The following DNAH9 variants were observed in gnomAD, a reference collection of about 807,000 sequenced individuals.
The protein encoded by DNAH9 is DNAH9 variant protein.
A neutral mutation model predicts 471.6 loss-of-function variants in DNAH9; 345 were observed. That is an observed-to-expected ratio of 0.73 (90% confidence interval 0.67 to 0.80). DNAH9 has a LOEUF of 0.80. Among genes scored for constraint, DNAH9 ranks in the 30% least tolerant of loss-of-function variants. The probability of loss-of-function intolerance (pLI) is 0.00; values close to 1 mark genes in which losing one functional copy is unlikely to be tolerated. For synonymous variants in DNAH9, 2,093 were observed against 2,123.6 expected, an observed-to-expected ratio of 0.99 and a Z score of 0.40; for missense variants, 5,407 against 5,609.2, an observed-to-expected ratio of 0.96 and a Z score of 1.15.
intron 61 of DNAH9, among the ~76,000 whole-genome samples, chr17:11,910,522 G>T (rs1050068578): frequency 6.6e-5 from 10 of 152,084 alleles, no homozygotes; most frequent in African/African-American, 2.2e-4. Flanking sequence ...GAACATTCAT[G>T]TAACAAGTTT....
chr17:11,811,146 C>T (rs1290503134), intron 45 of DNAH9, among the ~76,000 whole-genome samples: 2 of 152,148 alleles, frequency 1.3e-5, no homozygotes, highest in East Asian at 3.9e-4. Context: ...AATGCCATCT[C>T]TACTAAAAAT....
At chr17:11,888,373 C>CAGCATAAAAATTGGCATGATA (rs1253015415) in intron 57 of DNAH9, among the ~76,000 whole-genome samples, 4 of 152,110 alleles carry the variant, frequency 2.6e-5, no homozygotes, top group African/African-American at 9.7e-5. Flanking sequence ...TCTTTTAAAA[C>CAGCATAAAAATTGGCATGATA]AGCATAAAAA....
rs1012070889 is a variant in DNAH9, at chr17:11,681,032, A to T, written c.3743+143A>T. 4 of 784,902 alleles carry T rather than the reference A, an allele frequency of 5.1e-6. No individual in the cohort carries two copies. The African/African-American group carries it at 7.0e-5, about 14-fold the overall frequency. The allele number at this position is 784,902 out of a possible 1,614,324, so 48.6% of individuals were successfully genotyped here. On this transcript the variant is annotated intron_variant, in intron 19 of 68. Transcript: ENST00000262442. ...CCTTCCCATTTAGGACCTTTGGTTG[A>T]AACGTGGTGCTAATGTGGACTGAAT... is the stretch of plus-strand genomic sequence containing the variant.
intron 14 of DNAH9, among the ~76,000 whole-genome samples, chr17:11,662,097 T>C (rs999426429): frequency 2.6e-5 from 4 of 152,206 alleles, no homozygotes; most frequent in African/African-American, 7.2e-5. Flanking sequence ...CAATTGTGTT[T>C]ATAGTTTTGC....
intron 67 of DNAH9, among the ~76,000 whole-genome samples, chr17:11,950,239 T>C (rs1235272310): frequency 2.0e-5 from 3 of 152,222 alleles, no homozygotes; most frequent in African/African-American, 7.2e-5. Flanking sequence ...CATACATCAT[T>C]ATCACCCAGA....
intron 45 of DNAH9, among the ~76,000 whole-genome samples, chr17:11,821,347 T>G (rs767937777): frequency 4.0e-5 from 6 of 151,846 alleles, no homozygotes; most frequent in Non-Finnish European, 7.4e-5. Context: ...CCAGTTTTCC[T>G]AATGCAGTAC....
chr17:11,636,154 C>T (rs975730635), intron 8 of DNAH9, among the ~76,000 whole-genome samples: 3 of 152,042 alleles, frequency 2.0e-5, no homozygotes, highest in East Asian at 1.9e-4. Context: ...TACAGGCACC[C>T]GCCACCACAC....
rs1357624467 is a variant in DNAH9, at chr17:11,871,847, C to G, written c.10242+61C>G. The G allele has an allele frequency of 2.6e-6, 4 of 1,560,850 alleles. No homozygotes were observed. The African/African-American group carries it at 5.4e-5, about 21-fold the overall frequency. On this transcript the variant is annotated intron_variant, in intron 52 of 68. Coordinates refer to ENST00000262442, the MANE Select transcript of DNAH9 (RefSeq NM_001372.4). ...CCTCTGGGCACCAATGGGAAGACAT[C>G]ACGGTCATAATTCGCATCCTCTGGT... is the stretch of plus-strand genomic sequence containing the variant.
Position 11,929,850 on chromosome 17 carries a change from C to T in DNAH9, c.11878-16C>T, listed in dbSNP as rs112076269. 4,369 of 1,606,250 alleles carry T rather than the reference C, an allele frequency of 2.7e-3. 94 individuals are homozygous for T. The African/African-American group carries it at 0.049, about 18-fold the overall frequency. On this transcript the variant is annotated splice_polypyrimidine_tract_variant and intron_variant, in intron 62 of 68. Transcript: ENST00000262442. ...CAGATGCCTGTATTGAGGGGGGGCT[C>T]CTTCCTTCCCACTAGAACATTCACC... is the stretch of plus-strand genomic sequence containing the variant.
At chr17:11,674,626 A>G (rs181511460) in intron 17 of DNAH9, among the ~76,000 whole-genome samples, 27 of 152,180 alleles carry the variant, frequency 1.8e-4, no homozygotes, top group African/African-American at 5.8e-4. Context: ...AATGGAGTCT[A>G]CCATTTTGTG....
chr17:11,684,492 G>C lies in DNAH9; in HGVS notation c.3743+3603G>C, dbSNP rs111920588. On this transcript the variant is annotated intron_variant, in intron 19 of 68. Transcript: ENST00000262442. ...AAGCTGGTGACCAGTTCTCCCTCTT[G>C]AATGAAAGGAATGCCCCCATGCTCT... Among the ~76,000 whole-genome samples the C allele has an allele frequency of 6.1e-3, 926 of 152,270 alleles. 4 individuals are homozygous for C. Among genetic ancestry groups the C allele is most frequent in the Non-Finnish European group, 9.3e-3 (631 of 68,012 alleles).
chr17:11,762,620 C>T (rs1194600854), intron 35 of DNAH9, among the ~76,000 whole-genome samples: 1 of 151,988 alleles, frequency 6.6e-6, no homozygotes, highest in Non-Finnish European at 1.5e-5. Context: ...AACCATCTGT[C>T]CTGGTCCACT....
At chr17:11,757,780 C>T (rs778914907) in intron 35 of DNAH9, 88 bp downstream of exon 35, 7 of 1,418,202 alleles carry the variant, frequency 4.9e-6, no homozygotes, top group Non-Finnish European at 6.7e-6. Flanking sequence ...ATGTTCTGTC[C>T]TGTCCCAAAG....
intron 17 of DNAH9, among the ~76,000 whole-genome samples, chr17:11,676,057 A>G (rs2074043978): frequency 1.3e-5 from 2 of 152,060 alleles, no homozygotes; most frequent in South Asian, 4.1e-4. Context: ...TGGGATTGTG[A>G]TTTTCTTTGT....
At chr17:11,842,529 G>A (rs1009576740) in intron 49 of DNAH9, among the ~76,000 whole-genome samples, 14 of 152,248 alleles carry the variant, frequency 9.2e-5, no homozygotes, top group East Asian at 3.9e-4. Flanking sequence ...AAGCCAGTCC[G>A]GGTCCCAAAA....
In DNAH9 at chr17:11,762,770, G is replaced by GTTTGTTTTTTTTTTTTTTTTTTTTTTTTT. The variant is rs1193246497; in HGVS notation, c.6996-667_6996-666insGTTTTTTTTTTTTTTTTTTTTTTTTTTTT. Among the ~76,000 whole-genome samples, 8 of 90,792 alleles carry GTTTGTTTTTTTTTTTTTTTTTTTTTTTTT rather than the reference G, an allele frequency of 8.8e-5. 2 individuals carry two copies. Among genetic ancestry groups the GTTTGTTTTTTTTTTTTTTTTTTTTTTTTT allele is most frequent in the Non-Finnish European group, 1.5e-4 (7 of 45,774 alleles). The allele number at this position is 90,792 out of a possible 152,430, so 59.6% of individuals were successfully genotyped here. Reference sequence around the variant, plus strand: ...CCTCTTTAGGTGCGTTTTTTTTTTTGTTTTTTTTTTTTTTTTTTTTTTTTT... The same window carrying GTTTGTTTTTTTTTTTTTTTTTTTTTTTTT: ...CCTCTTTAGGTGCGTTTTTTTTTTTGTTTGTTTTTTTTTTTTTTTTTTTTTTTTTTTTTTTTTTTTTTTTTTTTTTTTTT... On this transcript the variant is annotated intron_variant, in intron 35 of 68. Transcript: ENST00000262442.
chr17:11,848,318 T>C (rs929818682), intron 49 of DNAH9, among the ~76,000 whole-genome samples: 1 of 152,178 alleles, frequency 6.6e-6, no homozygotes, highest in Non-Finnish European at 1.5e-5. Context: ...AAAAAAAGTT[T>C]AGCATCACTA....
chr17:11,692,377 T>G (rs1363415783), intron 20 of DNAH9, among the ~76,000 whole-genome samples: 1 of 152,208 alleles, frequency 6.6e-6, no homozygotes, highest in Non-Finnish European at 1.5e-5. Flanking sequence ...CCAGGTGCCA[T>G]GTATTTGGCT....
At chr17:11,606,370 T>C (rs1038079479) in intron 1 of DNAH9, among the ~76,000 whole-genome samples, 6 of 152,072 alleles carry the variant, frequency 3.9e-5, no homozygotes, top group African/African-American at 9.7e-5. Flanking sequence ...GGTATTCTCC[T>C]TCCATCACTT....
Sources: allele counts gnomAD v4.1 joint callset (sites outside exome capture counted in the v4.1 genomes callset), GRCh38; gene constraint gnomAD v4.1.1; transcripts MANE v1.5; gene names NCBI Gene and HGNC (gene_info 2026-07-23, HGNC 2026-07-21).